The following PHF21B variants were observed in gnomAD, a reference collection of about 807,000 sequenced individuals.
PHF21B encodes PHD finger protein 21B, also known as PHD finger protein 4.
Under a neutral mutation model 62.2 loss-of-function variants are expected in PHF21B, and 22 were observed. The ratio of observed to expected loss-of-function variants is 0.35; its 90% confidence interval spans 0.25 to 0.51. The LOEUF (loss-of-function observed/expected upper bound fraction) is 0.51, where lower values mean the gene tolerates loss of function less well. PHF21B is among the 20% of genes least tolerant of loss of function. The probability of loss-of-function intolerance (pLI) is 0.97; values close to 1 mark genes in which losing one functional copy is unlikely to be tolerated. For missense variants in PHF21B, 701 were observed against 707.9 expected (o/e 0.99, Z 0.11); for synonymous variants, 341 against 314.7 (o/e 1.08, Z -0.88).
intron 2 of PHF21B, among the ~76,000 whole-genome samples, chr22:44,978,019 TAG>T (rs2147467776): frequency 6.6e-6 from 1 of 152,334 alleles, no homozygotes; most frequent in East Asian, 1.9e-4. Context: ...TTCCTTGCTG[TAG>T]ACACAGTGCA....
In PHF21B at chr22:44,913,803, C is replaced by A. The variant is rs1235670708; in HGVS notation, c.831+19G>T. 1 of 1,605,804 alleles carries A rather than the reference C, an allele frequency of 6.2e-7. No individual in the cohort carries two copies. Among genetic ancestry groups the A allele is most frequent in the African/African-American group, 1.3e-5 (1 of 74,770 alleles). ...GCAGACTGAGCAGGGCCTGGGCCCT[C>A]CGGAGAGGCCTGTCCTACCTCGGGG... On this transcript the variant is annotated intron_variant, in intron 5 of 12. Coordinates refer to ENST00000313237, the MANE Select transcript of PHF21B (RefSeq NM_138415.5).
chr22:44,889,905 T>A, intron 8 of PHF21B, 123 bp from the exon 9 acceptor site: 1 of 1,021,932 alleles, frequency 9.8e-7, no homozygotes, highest in Non-Finnish European at 1.4e-6. Context: ...GGGAGCATCA[T>A]AAGGCCCCCA....
rs1312585273 is a variant in PHF21B, at chr22:44,964,928, T to C, written c.120+43617A>G. On this transcript the variant is annotated intron_variant, in intron 2 of 12. Transcript: ENST00000313237. ...TGTGAGGCCGGGCAGCACCTTAACA[T>C]CTCTGAGCCTTGGCTCCTGTCCGTA... 2.6e-5 allele frequency among the ~76,000 whole-genome samples: 4 copies of C among 152,224 alleles called. No individual in the cohort carries two copies. The East Asian group carries it at 7.7e-4, about 29-fold the overall frequency.
chr22:44,933,604 G>A, intron 2 of PHF21B: 2 of 926,806 alleles, frequency 2.2e-6, no homozygotes, highest in Non-Finnish European at 2.6e-6. Flanking sequence ...CTACATAGAA[G>A]GGGTAAGCGT....
chr22:45,009,491 C>T lies in PHF21B; in HGVS notation c.54+5G>A, dbSNP rs745490719. Reference sequence around the variant, plus strand: ...CGGCCCCGGGCCCGGCCCCCGGCCACCTACCTGGTGGCGCGCGAGTTCCAC... The same window carrying T: ...CGGCCCCGGGCCCGGCCCCCGGCCATCTACCTGGTGGCGCGCGAGTTCCAC... On this transcript the variant is annotated splice_donor_5th_base_variant and intron_variant, in intron 1 of 12. Transcript: ENST00000313237. The surrounding 1 kb of genome is among the most constrained non-coding windows in gnomAD (Gnocchi z 5.9). 4 of 1,544,304 alleles carry T rather than the reference C, an allele frequency of 2.6e-6. No homozygotes were observed. The highest frequency in any genetic ancestry group is 2.7e-5 in the African/African-American group (2 of 73,146).
In PHF21B at chr22:44,916,492, T is replaced by C. The variant is rs2071436933; in HGVS notation, c.352A>G (p.Asn118Asp). 1 of 1,607,694 alleles carries C rather than the reference T, an allele frequency of 6.2e-7. No individual in the cohort carries two copies. The highest frequency in any genetic ancestry group is 1.1e-5 in the South Asian group (1 of 90,988). ...NPSPALPTAN[N>D]TVSHVPAPGS... ...GGCGCTGGCACATGGCTGACAGTGT[T>C]GTTGGCGGTGGGGAGGGCTGGGCTG... Residue 118 changes from asparagine (N) to aspartate (D), a missense_variant, in exon 4 of 13, where the codon AAC (asparagine) becomes GAC (aspartate). Coordinates refer to ENST00000313237, the MANE Select transcript of PHF21B (RefSeq NM_138415.5).
intron 2 of PHF21B, among the ~76,000 whole-genome samples, chr22:45,007,998 G>C (rs1601707850): frequency 6.6e-6 from 1 of 151,608 alleles, no homozygotes; most frequent in African/African-American, 2.4e-5. Flanking sequence ...AGTTGGAGCA[G>C]AACTGGGGAG....
intron 2 of PHF21B, among the ~76,000 whole-genome samples, chr22:44,970,531 G>A (rs913159130): frequency 1.3e-5 from 2 of 152,150 alleles, no homozygotes; most frequent in Admixed American, 6.5e-5. Flanking sequence ...CACCTCAGCA[G>A]TGGTACCAAG....
chr22:44,922,934 TCA>T (rs2071563005), intron 2 of PHF21B, among the ~76,000 whole-genome samples: 1 of 152,106 alleles, frequency 6.6e-6, no homozygotes, highest in African/African-American at 2.4e-5. Context: ...AATCAAAATC[TCA>T]GTCAGCTTTT....
chr22:44,891,182 T>C, intron 8 of PHF21B, 124 bp downstream of exon 8: 1 of 1,058,994 alleles, frequency 9.4e-7, no homozygotes, highest in Non-Finnish European at 1.4e-6. Flanking sequence ...CTCACCTTCC[T>C]CTGCCCAGGT....
At chr22:45,003,634 A>T (rs544985593) in intron 2 of PHF21B, 1 of 152,444 alleles carries the variant, frequency 6.6e-6, no homozygotes, top group Admixed American at 6.5e-5. Context: ...GCCAGGGAGC[A>T]CTGTGACCTC....
chr22:44,884,476 T>C (rs1382945967), intron 12 of PHF21B, among the ~76,000 whole-genome samples: 10 of 95,714 alleles, frequency 1.0e-4, no homozygotes, highest in Non-Finnish European at 1.4e-4. Flanking sequence ...ATCACCACCA[T>C]CACCACCACC....
chr22:44,906,330 G>A (rs761950504), intron 5 of PHF21B, among the ~76,000 whole-genome samples: 2 of 152,212 alleles, frequency 1.3e-5, no homozygotes, highest in Non-Finnish European at 1.5e-5. Flanking sequence ...CATTTGCAGG[G>A]CGAATAGACA....
intron 2 of PHF21B, among the ~76,000 whole-genome samples, chr22:44,969,776 T>C (rs73889899): frequency 7.4e-4 from 113 of 152,310 alleles, no homozygotes; most frequent in African/African-American, 2.4e-3. Flanking sequence ...TGGCTGAGTG[T>C]AGACTTTCCG....
intron 10 of PHF21B, among the ~76,000 whole-genome samples, chr22:44,887,754 C>CAA (rs59049105): frequency 0.027 from 1,929 of 71,910 alleles, 81 homozygotes; most frequent in African/African-American, 0.078. Context: ...GACTCTGTCT[C>CAA]AAAAAAAAAA....
chr22:44,884,130 A>C, intron 12 of PHF21B, among the ~76,000 whole-genome samples: 1 of 77,320 alleles, frequency 1.3e-5, no homozygotes, highest in African/African-American at 2.9e-5. Flanking sequence ...CATCATGATC[A>C]CCATTATCAC....
chr22:44,906,369 C>T (rs1042962064), intron 5 of PHF21B, among the ~76,000 whole-genome samples: 18 of 152,278 alleles, frequency 1.2e-4, no homozygotes, highest in South Asian at 2.1e-4. Context: ...GGCAGGGAGA[C>T]GGGCCAGGGT....
intron 2 of PHF21B, among the ~76,000 whole-genome samples, chr22:44,958,808 G>C (rs1435130755): frequency 6.6e-6 from 1 of 151,490 alleles, no homozygotes; most frequent in East Asian, 1.9e-4. Context: ...GTAGAGACAG[G>C]GTTTTTGTAT....
chr22:44,944,575 A>C (rs892759458), intron 2 of PHF21B, among the ~76,000 whole-genome samples: 3 of 152,220 alleles, frequency 2.0e-5, no homozygotes, highest in Non-Finnish European at 2.9e-5. Context: ...GAATTTCCTA[A>C]GATGCCAGGC....
Sources: allele counts gnomAD v4.1 joint callset (sites outside exome capture counted in the v4.1 genomes callset), GRCh38; gene constraint gnomAD v4.1.1; non-coding constraint Gnocchi (gnomAD v3.1); transcripts MANE v1.5; gene names NCBI Gene and HGNC (gene_info 2026-07-23, HGNC 2026-07-21).